TMTC4: variants seen among roughly 807,000 people sequenced by gnomAD.
TMTC4 encodes the protein protein O-mannosyl-transferase TMTC4.
A neutral mutation model predicts 86.0 loss-of-function variants in TMTC4; 65 were observed. The observed-to-expected ratio is 0.76, with a 90% CI of 0.62 to 0.93. TMTC4 has a LOEUF of 0.93. Among genes scored for constraint, TMTC4 ranks in the 40% least tolerant of loss-of-function variants. The probability of loss-of-function intolerance (pLI) is 0.00; values close to 1 mark genes in which losing one functional copy is unlikely to be tolerated. For synonymous variants in TMTC4, 379 were observed against 382.5 expected, an observed-to-expected ratio of 0.99 and a Z score of 0.11; for missense variants, 866 against 948.1, an observed-to-expected ratio of 0.91 and a Z score of 1.14.
In TMTC4 at chr13:100,605,031, C is replaced by T; in HGVS notation, c.2246G>A (p.Arg749Lys). Residue 749 changes from arginine (R) to lysine (K), a missense_variant, in exon 19 of 19, where the codon AGA becomes AAA. Physicochemically the swap from Arg to Lys is conservative, Grantham distance 26. Transcript: ENST00000342624. The surrounding 1 kb of genome is among the most constrained non-coding windows in gnomAD (Gnocchi z 4.3). ...CTTTTGCATTAGTTCTAGCTTTCTT[C>T]TCAGCAGACCGTAATTCTCCTTAGT... ...SGTKENYGLLRRKLELMQKKA... is the reference protein window; with the variant it reads ...SGTKENYGLLKRKLELMQKKA... The T allele has an allele frequency of 3.1e-6, 5 of 1,614,004 alleles. No homozygotes were observed. Among genetic ancestry groups the T allele is most frequent in the East Asian group, 2.2e-5 (1 of 44,870 alleles).
chr13:100,669,735 C>T (rs752861027), intron 2 of TMTC4, among the ~76,000 whole-genome samples: 11 of 152,072 alleles, frequency 7.2e-5, no homozygotes, highest in African/African-American at 2.2e-4. Flanking sequence ...CCTTGGAATT[C>T]GCCAAAACAA....
At chr13:100,609,770 G>A (rs1480430681) in intron 17 of TMTC4, among the ~76,000 whole-genome samples, 1 of 151,538 alleles carries the variant, frequency 6.6e-6, no homozygotes, top group Non-Finnish European at 1.5e-5. Flanking sequence ...GCATTTTTTT[G>A]TATCACCTTG....
At position 100,674,185 on chromosome 13, in the gene TMTC4, T is replaced by C. The variant is rs1301431835; in HGVS notation, c.-208+559A>G. ...CGGTGGCCCCGGGCGCCCGGGCCGG[T>C]GGCCCCGCGCTCGCGCCGCTCCGCT... On this transcript the variant is annotated intron_variant, in intron 1 of 18. Coordinates refer to ENST00000342624, the MANE Select transcript of TMTC4 (RefSeq NM_032813.5). The C allele has an allele frequency of 8.7e-6, 7 of 800,424 alleles. No homozygotes were observed. The African/African-American group carries it at 9.4e-5, about 11-fold the overall frequency. 49.6% of individuals were successfully genotyped at this position (800,424 alleles called of 1,614,324 possible).
Position 100,637,652 on chromosome 13 carries a change from G to T in TMTC4, c.885C>A (p.Leu295=). 6.2e-7 allele frequency: 1 copy of T among 1,614,194 alleles called. No individual in the cohort carries two copies. The highest frequency in any genetic ancestry group is 8.5e-7 in the Non-Finnish European group (1 of 1,180,038). The change falls in exon 9 of 19, where the codon CTC becomes CTA. Residue 295 remains leucine (L), a synonymous_variant. Transcript: ENST00000342624. Reference sequence around the variant, plus strand: ...AGAGCATCCCAGCCCCTCCAGAGGTGAGCAGGGTCATTCTGAAGAGGAGGC... The same window carrying T: ...AGAGCATCCCAGCCCCTCCAGAGGTTAGCAGGGTCATTCTGAAGAGGAGGC... The part of the protein sequence containing the change: ...NGGLLFRMTL[L]TSGGAGMLYV...
At chr13:100,670,240 C>G in intron 2 of TMTC4, 120 bp downstream of exon 2, 1 of 1,126,102 alleles carries the variant, frequency 8.9e-7, no homozygotes, top group Non-Finnish European at 1.3e-6. Context: ...TAAGTGGATA[C>G]CCCAGATTAT....
Position 100,625,559 on chromosome 13 carries a change from G to T in TMTC4, c.1812C>A (p.Asp604Glu). 2 of 1,614,172 alleles carry T rather than the reference G, an allele frequency of 1.2e-6. No homozygotes were observed. The highest frequency in any genetic ancestry group is 1.7e-6 in the Non-Finnish European group (2 of 1,180,054). The change falls in exon 15 of 19, where the codon GAC (aspartate) becomes GAA (glutamate). Residue 604 changes from aspartate to glutamate, a missense_variant. Transcript: ENST00000342624. ...CCAGACGCCCGAGGTTGTAGTAACAGTCTGGGTATTTCCTTCTGTGTTTAA... is the reference window on the plus strand; with the variant it reads ...CCAGACGCCCGAGGTTGTAGTAACATTCTGGGTATTTCCTTCTGTGTTTAA... ...TAIKHRRKYP[D>E]CYYNLGRLYA...
At chr13:100,624,279 T>TTGCGGCA in intron 15 of TMTC4, 2 of 146,622 alleles carry the variant, frequency 1.4e-5, no homozygotes, top group Non-Finnish European at 3.0e-5. Flanking sequence ...TGAGCCGAGA[T>TTGCGGCA]CCCGTTGAGC....
rs1242637577 is a variant in TMTC4, at chr13:100,656,432, C to T, written c.589G>A (p.Ala197Thr). The change falls in exon 6 of 19, where the codon GCC (alanine) becomes ACC (threonine). Residue 197 changes from alanine to threonine, a missense_variant. Physicochemically the swap from Ala to Thr is moderately conservative, Grantham distance 58 (BLOSUM62 0). Transcript: ENST00000342624. ...AGGAAAGATAACAAGAAGAACAGGG[C>T]ACACAGGAGGTCTGCACGGCCGACA... ...GVVGRADLLC[A>T]LFFLLSFLGY... is the part of the protein sequence containing the mutation. The T allele has an allele frequency of 1.9e-6, 3 of 1,612,810 alleles. No individual in the cohort carries two copies. Among genetic ancestry groups the T allele is most frequent in the Non-Finnish European group, 8.5e-7 (1 of 1,179,628 alleles).
chr13:100,628,076 G>A (rs758610775), intron 12 of TMTC4, among the ~76,000 whole-genome samples: 25 of 152,324 alleles, frequency 1.6e-4, no homozygotes, highest in Middle Eastern at 3.4e-3. Context: ...TGGGTGTGAT[G>A]ACTTTCAAGA....
chr13:100,623,631 A>G (rs1879899493), intron 15 of TMTC4, among the ~76,000 whole-genome samples: 1 of 138,912 alleles, frequency 7.2e-6, no homozygotes, highest in African/African-American at 2.6e-5. Flanking sequence ...TTTGGAAACT[A>G]CTAGTTGGGT....
chr13:100,615,863 C>T (rs1452134918), intron 15 of TMTC4, among the ~76,000 whole-genome samples: 2 of 152,218 alleles, frequency 1.3e-5, no homozygotes, highest in Non-Finnish European at 2.9e-5. Context: ...AGGTAGTGAG[C>T]ACAGTACCCA....
Position 100,662,998 on chromosome 13 carries a change from A to G in TMTC4, c.518T>C (p.Leu173Pro). 6.2e-7 allele frequency: 1 copy of G among 1,614,118 alleles called. No individual in the cohort carries two copies. The highest frequency in any genetic ancestry group is 8.5e-7 in the Non-Finnish European group (1 of 1,180,012). Residue 173 changes from leucine (L) to proline (P), a missense_variant, in exon 5 of 19, where the codon CTG becomes CCG. By Grantham distance (98) the Leu-to-Pro change is moderately conservative (BLOSUM62 -3). Transcript: ENST00000342624. ...GTGCACAGGATGGACAGCAAACAGC[A>G]GCGCGGCCAGCAGGGACGCCCTGGG... ...LAPRASLLAA[L>P]LFAVHPVHTE...
rs776878141 is a variant in TMTC4 at position 100,634,800 on chromosome 13, G to A, written c.1506+5C>T. 1.4e-5 allele frequency: 23 copies of A among 1,612,218 alleles called. No individual in the cohort carries two copies. The highest frequency in any genetic ancestry group is 2.0e-5 in the Non-Finnish European group (23 of 1,179,404). On this transcript the variant is annotated splice_donor_5th_base_variant and intron_variant, in intron 12 of 18. Coordinates refer to ENST00000342624, the MANE Select transcript of TMTC4 (RefSeq NM_032813.5). ...CCCTTTAAAAGAAATCTGGCAGCTA[G>A]GTACCTTAGCATTGAGGGGACACAC...
chr13:100,614,329 G>T lies in TMTC4; in HGVS notation c.1938C>A (p.Leu646=). 1.2e-6 allele frequency: 2 copies of T among 1,613,134 alleles called. No individual in the cohort carries two copies. The highest frequency in any genetic ancestry group is 1.7e-6 in the Non-Finnish European group (2 of 1,179,612). ...HSLAWNNMII[L]LDNTGNLAQA... ...AGCTTTCTGTACCTGTATTGTCGAG[G>T]AGTATAATCATGTTGTTCCAGGCCA... Residue 646 remains leucine, a synonymous_variant, in exon 16 of 19, where the codon CTC becomes CTA. Coordinates refer to ENST00000342624, the MANE Select transcript of TMTC4 (RefSeq NM_032813.5).
chr13:100,648,804 C>T lies in TMTC4; in HGVS notation c.641-6493G>A, dbSNP rs912517222. On this transcript the variant is annotated intron_variant, in intron 6 of 18. Coordinates refer to ENST00000342624, the MANE Select transcript of TMTC4 (RefSeq NM_032813.5). ...AAGCAATCCTCCGGCCTCAGCCTCC[C>T]GAATAGCTGGGACCACAGGCACATG... Among the ~76,000 whole-genome samples the T allele has an allele frequency of 3.9e-5, 6 of 152,170 alleles. No homozygotes were observed. In the South Asian group the frequency reaches 6.2e-4, roughly 16 times the overall value.
chr13:100,648,103 T>G (rs574026297), intron 6 of TMTC4, among the ~76,000 whole-genome samples: 1 of 152,276 alleles, frequency 6.6e-6, no homozygotes, highest in South Asian at 2.1e-4. Context: ...GTGTCTTCAG[T>G]CTCAGCAATT....
Position 100,615,440 on chromosome 13 carries a change from G to A in TMTC4, c.1837-1010C>T, listed in dbSNP as rs528397287. Among the ~76,000 whole-genome samples the A allele has an allele frequency of 4.7e-3, 660 of 140,332 alleles. 6 individuals carry two copies. The highest frequency in any genetic ancestry group is 0.017 in the African/African-American group (633 of 37,264). 92.1% of individuals were successfully genotyped at this position (140,332 alleles called of 152,430 possible). A position where few individuals can be genotyped will look rare whatever the true frequency, so the allele number is the denominator to read the frequency against. The stretch of plus-strand genomic sequence containing the variant: ...ACAGGCGTGAGCCACCGCGCCAGGC[G>A]TATGTACGTATTTAGAAACAGAGTC... On this transcript the variant is annotated intron_variant, in intron 15 of 18. Coordinates refer to ENST00000342624, the MANE Select transcript of TMTC4 (RefSeq NM_032813.5).
rs1157622537 is a variant in TMTC4, at chr13:100,612,396, A to G, written c.2064+2T>C. The G allele has an allele frequency of 6.2e-7, 1 of 1,605,042 alleles. No individual in the cohort carries two copies. Among genetic ancestry groups the G allele is most frequent in the Non-Finnish European group, 8.5e-7 (1 of 1,176,312 alleles). On this transcript the variant is annotated splice_donor_variant, in intron 17 of 18. Coordinates refer to ENST00000342624, the MANE Select transcript of TMTC4 (RefSeq NM_032813.5). LOFTEE classifies it high-confidence loss of function. The stretch of plus-strand genomic sequence containing the variant: ...AGAACTCACAGCCTGCGGTTTACGC[A>G]CCTTGTATTTCTGGGATTTCCCCAG...
At chr13:100,657,929 T>C (rs937267475) in intron 5 of TMTC4, among the ~76,000 whole-genome samples, 1 of 152,110 alleles carries the variant, frequency 6.6e-6, no homozygotes, top group African/African-American at 2.4e-5. Flanking sequence ...CAGCCCGTGG[T>C]GTCAGGTGAT....
Sources: gnomAD v4.1 joint callset for allele counts (sites outside exome capture counted in the v4.1 genomes callset) on GRCh38, gnomAD v4.1.1 for gene constraint, Gnocchi (gnomAD v3.1) non-coding constraint, MANE v1.5 for transcripts, NCBI Gene and HGNC (gene_info 2026-07-23, HGNC 2026-07-21) for gene names.